Variants in MLXIPL observed in about 807,000 individuals in gnomAD.
The protein encoded by MLXIPL is carbohydrate-responsive element-binding protein.
MLXIPL carries 49 observed loss-of-function variants against 81.5 expected under a neutral mutation model. The ratio of observed to expected loss-of-function variants is 0.60; its 90% CI spans 0.48 to 0.76. MLXIPL has a LOEUF of 0.76. MLXIPL is among the 30% of genes least tolerant of loss of function. The probability of loss-of-function intolerance (pLI) is 0.00; values close to 1 mark genes in which losing one functional copy is unlikely to be tolerated. For missense variants in MLXIPL, 1,053 were observed against 1,167.0 expected, an observed-to-expected ratio of 0.90 and a Z score of 1.42; for synonymous variants, 466 against 485.5, an observed-to-expected ratio of 0.96 and a Z score of 0.53.
chr7:73,642,342 CTATTTATTTATT>C, the MLXIPL span, among the ~76,000 whole-genome samples: 2 of 151,510 alleles, frequency 1.3e-5, no homozygotes, highest in East Asian at 3.9e-4. Flanking sequence ...ATGGAGGTTT[CTATTTATTTATT>C]TATTTATTTT....
At position 73,623,055 on chromosome 7, in the gene MLXIPL, C is replaced by G. The variant is rs1035718254; in HGVS notation, c.293+1145G>C. ...ACACGGGTCCGACGCCCTGGCCGAT[C>G]GGGTTGCAACATGACCTGGGCCAGG... On this transcript the variant is annotated intron_variant, in intron 1 of 16. Transcript: ENST00000313375. The surrounding 1 kb of genome is among the most constrained non-coding windows in gnomAD (Gnocchi z 5.7). 3.9e-5 allele frequency among the ~76,000 whole-genome samples: 6 copies of G among 152,130 alleles called. No homozygotes were observed. Among genetic ancestry groups the G allele is most frequent in the Admixed American group, 2.6e-4 (4 of 15,262 alleles).
At chr7:73,606,249 C>A in intron 5 of MLXIPL, 138 bp from the exon 6 acceptor site, 1 of 903,614 alleles carries the variant, frequency 1.1e-6, no homozygotes, top group Non-Finnish European at 1.7e-6. Flanking sequence ...CCCTAGTGGA[C>A]CTAGCTTGCT....
In MLXIPL at chr7:73,614,432, G is replaced by A. The variant is rs539091674; in HGVS notation, c.400+1639C>T. 1.7e-4 allele frequency among the ~76,000 whole-genome samples: 26 copies of A among 152,296 alleles called. No homozygotes were observed. The South Asian group carries it at 4.8e-3, about 28-fold the overall frequency. ...GGAAGCCTTAAATAAGGTGATTCAC[G>A]AAAGTGCCTGGCATGTAGATAAATG... On this transcript the variant is annotated intron_variant, in intron 2 of 16. Coordinates refer to ENST00000313375, the MANE Select transcript of MLXIPL (RefSeq NM_032951.3).
At position 73,597,350 on chromosome 7, in the gene MLXIPL, A is replaced by T. The variant is rs1443903042; in HGVS notation, c.1435T>A (p.Tyr479Asn). 8.4e-7 allele frequency: 1 copy of T among 1,185,570 alleles called. No homozygotes were observed. The highest frequency in any genetic ancestry group is 1.1e-6 in the Non-Finnish European group (1 of 928,188). The allele number at this position is 1,185,570 out of a possible 1,614,324, so 73.4% of individuals were successfully genotyped here. Residue 479 changes from tyrosine to asparagine, a missense_variant, in exon 9 of 17, where the codon TAT becomes AAT. Around this residue, in one of 3 missense-constraint regions of MLXIPL, gnomAD observed 823 missense variants for 933.0 expected, o/e 0.88. Transcript: ENST00000313375. The stretch of plus-strand genomic sequence containing the variant: ...CAAGGCCCAAAGGCAGGCTCCGAAT[A>T]CCCCAAGGGTAGAAGCTCTATGGGG... ...PFPIELLPLG[Y>N]SEPAFGPCFS...
chr7:73,615,997 A>G (rs1232307845), intron 2 of MLXIPL, 74 bp downstream of exon 2: 17 of 1,251,854 alleles, frequency 1.4e-5, no homozygotes, highest in Non-Finnish European at 1.9e-5. Context: ...GGCAGCCACC[A>G]TGTAGAACCC....
At position 73,596,054 on chromosome 7, in the gene MLXIPL, G is replaced by T; in HGVS notation, c.2059-85C>A. On this transcript the variant is annotated intron_variant, in intron 13 of 16. Coordinates refer to ENST00000313375, the MANE Select transcript of MLXIPL (RefSeq NM_032951.3). The surrounding 1 kb of genome is among the most constrained non-coding windows in gnomAD (Gnocchi z 4.7). Reference sequence around the variant, plus strand: ...GAGGCACTGGGATGGGAGGAGGCAAGAGTGTCTGGAGCACTCCCCTGCAAT... The same window carrying T: ...GAGGCACTGGGATGGGAGGAGGCAATAGTGTCTGGAGCACTCCCCTGCAAT... 1 of 1,599,794 alleles carries T rather than the reference G, an allele frequency of 6.3e-7. No homozygotes were observed. The highest frequency in any genetic ancestry group is 8.5e-7 in the Non-Finnish European group (1 of 1,176,122).
At chr7:73,640,246 A>G in the MLXIPL span, among the ~76,000 whole-genome samples, 2 of 151,366 alleles carry the variant, frequency 1.3e-5, no homozygotes, top group Non-Finnish European at 2.9e-5. Context: ...CTCTTAAAAT[A>G]ATAGCAAAAT....
At chr7:73,613,989 T>C (rs538887580) in intron 2 of MLXIPL, among the ~76,000 whole-genome samples, 1 of 152,252 alleles carries the variant, frequency 6.6e-6, no homozygotes, top group East Asian at 1.9e-4. Context: ...ATACAAAATT[T>C]GGCGGGTGCC....
chr7:73,624,590 C>A (rs1584164766), upstream of MLXIPL: 2 of 1,402,474 alleles, frequency 1.4e-6, no homozygotes, highest in East Asian at 2.8e-5. Flanking sequence ...GCCCCCACAC[C>A]ATAGGCCGAT....
At chr7:73,617,289 G>C (rs1254264412) in intron 1 of MLXIPL, among the ~76,000 whole-genome samples, 2 of 152,060 alleles carry the variant, frequency 1.3e-5, no homozygotes, top group Admixed American at 1.3e-4. Flanking sequence ...AAAGTGCTGG[G>C]ATTACAGATG....
intron 1 of MLXIPL, among the ~76,000 whole-genome samples, chr7:73,622,213 A>G (rs947087794): frequency 6.6e-6 from 1 of 151,874 alleles, no homozygotes; most frequent in Non-Finnish European, 1.5e-5. Context: ...TTTTTTGGCC[A>G]GGCATGTTGG....
intron 5 of MLXIPL, chr7:73,606,428 C>CTTT (rs539124816): frequency 6.9e-5 from 21 of 302,338 alleles, no homozygotes; most frequent in South Asian, 1.5e-4. Flanking sequence ...TTTTCTTTTT[C>CTTT]TTTTTTTTTT....
chr7:73,600,301 C>T (rs1448062430), intron 7 of MLXIPL, among the ~76,000 whole-genome samples: 7 of 97,474 alleles, frequency 7.2e-5, no homozygotes, highest in Non-Finnish European at 8.4e-5. Context: ...GGGGTGGGGG[C>T]GAGAGGGGCC....
At chr7:73,595,608 C>G in intron 15 of MLXIPL, 29 bp downstream of exon 15, 3 of 1,614,106 alleles carry the variant, frequency 1.9e-6, no homozygotes, top group Admixed American at 3.3e-5. Context: ...CCCCTGCAGC[C>G]CCCCAGCCAT....
At chr7:73,594,184 C>A in intron 16 of MLXIPL, 90 bp downstream of exon 16, 1 of 1,589,200 alleles carries the variant, frequency 6.3e-7, no homozygotes, top group Admixed American at 1.7e-5. Flanking sequence ...GTGTTGATGG[C>A]AAGCTGGATG....
chr7:73,606,691 G>T, intron 5 of MLXIPL: 1 of 444,708 alleles, frequency 2.2e-6, no homozygotes, highest in Non-Finnish European at 4.2e-6. Flanking sequence ...CTCCCAAAGT[G>T]CTGGGATGAC....
At chr7:73,635,791 G>T in the MLXIPL span, among the ~76,000 whole-genome samples, 1 of 151,720 alleles carries the variant, frequency 6.6e-6, no homozygotes, top group African/African-American at 2.4e-5. Flanking sequence ...TCCATCCATC[G>T]TTCCATGTAT....
intron 2 of MLXIPL, among the ~76,000 whole-genome samples, 181 bp from the exon 3 acceptor site, chr7:73,607,853 C>CTTTTTTTTTTT (rs1166806013): frequency 0.018 from 1,987 of 110,074 alleles, 124 homozygotes; most frequent in African/African-American, 0.034. Context: ...CTAGATCTTC[C>CTTTTTTTTTTT]TTTTTTTTTT....
At chr7:73,612,379 G>C (rs374561593) in intron 2 of MLXIPL, among the ~76,000 whole-genome samples, 1 of 151,944 alleles carries the variant, frequency 6.6e-6, no homozygotes, top group Non-Finnish European at 1.5e-5. Context: ...GGTGGCTCAC[G>C]CCTGTAATCC....
Sources: gnomAD v4.1 joint callset for allele counts (sites outside exome capture counted in the v4.1 genomes callset) on GRCh38, gnomAD v4.1.1 for gene constraint, gnomAD v4.1.1 regional missense constraint, Gnocchi (gnomAD v3.1) non-coding constraint, MANE v1.5 for transcripts, NCBI Gene and HGNC (gene_info 2026-07-23, HGNC 2026-07-21) for gene names.